The following CEP120 variants were observed in gnomAD, a reference collection of about 807,000 sequenced individuals.
CEP120 encodes the protein centrosomal protein 120, also known as centrosomal protein of 120 kDa.
Under a neutral mutation model 126.5 loss-of-function variants are expected in CEP120, and 113 were observed. That is an observed-to-expected ratio of 0.89 (90% confidence interval 0.77 to 1.04). The LOEUF (loss-of-function observed/expected upper bound fraction) is 1.04, where lower values mean the gene tolerates loss of function less well. Among genes scored for constraint, CEP120 ranks in the 50% least tolerant of loss-of-function variants. The pLI, the probability that CEP120 is intolerant of heterozygous loss-of-function variation, is 0.00. For missense variants in CEP120, 1,230 were observed against 1,155.7 expected (o/e 1.06, Z -0.93); for synonymous variants, 400 against 394.3 (o/e 1.01, Z -0.17).
At chr5:123,358,816 C>T (rs1025061198) in intron 18 of CEP120, among the ~76,000 whole-genome samples, 4 of 151,874 alleles carry the variant, frequency 2.6e-5, no homozygotes, top group African/African-American at 9.7e-5. Context: ...CCTATAAATC[C>T]AGAAAGGAGA....
At chr5:123,367,834 C>T (rs1770572947) in intron 17 of CEP120, among the ~76,000 whole-genome samples, 1 of 151,810 alleles carries the variant, frequency 6.6e-6, no homozygotes, top group South Asian at 2.1e-4. Context: ...AGAAACAAAA[C>T]TCTCAATCAG....
chr5:123,379,241 C>T (rs1475288837), intron 14 of CEP120, among the ~76,000 whole-genome samples: 3 of 151,998 alleles, frequency 2.0e-5, no homozygotes, highest in Non-Finnish European at 4.4e-5. Context: ...TCCTTAAAAT[C>T]ATCTCTTTAC....
chr5:123,393,189 G>T lies in CEP120; in HGVS notation c.810+111C>A. On this transcript the variant is annotated intron_variant, in intron 6 of 19. Coordinates refer to ENST00000306467, the MANE Select transcript of CEP120 (RefSeq NM_001375405.1). The stretch of plus-strand genomic sequence containing the variant: ...AGAAGATGTGGCAGAAAGATAACCT[G>T]TACTACTGAAATAGGATTAAGTTTA... 5.3e-6 allele frequency: 5 copies of T among 941,624 alleles called. No individual in the cohort carries two copies. The South Asian group carries it at 7.8e-5, about 15-fold the overall frequency. The allele number at this position is 941,624 out of a possible 1,614,324, so 58.3% of individuals were successfully genotyped here.
At chr5:123,397,610 G>A (rs1772872490) in intron 5 of CEP120, among the ~76,000 whole-genome samples, 1 of 152,178 alleles carries the variant, frequency 6.6e-6, no homozygotes, top group Non-Finnish European at 1.5e-5. Context: ...GAGAGAAAGA[G>A]TAAATGCTCA....
rs1768818279 is a variant in CEP120 at position 123,346,411 on chromosome 5, A to C, written c.*108T>G. On this transcript the variant is annotated 3_prime_UTR_variant, in exon 20 of 20. Transcript: ENST00000306467. ...AATAACATACAAAATTTTGCTTATA[A>C]AAAATTGAAAATACCATTTTAAAAC... 1.3e-5 allele frequency: 11 copies of C among 838,752 alleles called. No homozygotes were observed. Among genetic ancestry groups the C allele is most frequent in the Non-Finnish European group, 2.0e-5 (11 of 555,190 alleles). The allele number at this position is 838,752 out of a possible 1,614,324, so 52.0% of individuals were successfully genotyped here.
chr5:123,407,497 T>C (rs1015268607), intron 4 of CEP120, among the ~76,000 whole-genome samples: 5 of 152,164 alleles, frequency 3.3e-5, no homozygotes, highest in African/African-American at 1.2e-4. Context: ...AGGAGGAATA[T>C]TACATGATGA....
At chr5:123,378,225 C>T in intron 15 of CEP120, 111 bp downstream of exon 15, 3 of 703,132 alleles carry the variant, frequency 4.3e-6, no homozygotes, top group Non-Finnish European at 7.0e-6. Context: ...GCAGCCCATC[C>T]TGAGTCCCTT....
Position 123,384,942 on chromosome 5 carries a change from A to G in CEP120, c.1763+9T>C. The G allele has an allele frequency of 6.3e-7, 1 of 1,575,728 alleles. No homozygotes were observed. The highest frequency in any genetic ancestry group is 8.6e-7 in the Non-Finnish European group (1 of 1,163,566). On this transcript the variant is annotated intron_variant, in intron 11 of 19. Transcript: ENST00000306467. ...GAAAAGCAAATACCAATTCTGTGAA[A>G]TGCATTACCCTTGTGCTGCTATAAC... is the stretch of plus-strand genomic sequence containing the variant.
rs2126957635 is a variant in CEP120, at chr5:123,346,641, G to A, written c.2839C>T (p.Arg947Cys). 11 of 1,613,892 alleles carry A rather than the reference G, an allele frequency of 6.8e-6. No homozygotes were observed. The highest frequency in any genetic ancestry group is 2.2e-5 in the East Asian group (1 of 44,862). ...AAAGTATCCCTTTCTTCTATCAGGC[G>A]AGTCAAATAATCATCCAAACCTTCT... ...LEEGLDDYLT[R>C]LIEERDTLMR... Residue 947 changes from arginine (R) to cysteine (C), a missense_variant, in exon 20 of 20, where the codon CGC becomes TGC. Coordinates refer to ENST00000306467, the MANE Select transcript of CEP120 (RefSeq NM_001375405.1).
chr5:123,410,130 C>T (rs535484204), intron 4 of CEP120, among the ~76,000 whole-genome samples: 7 of 151,936 alleles, frequency 4.6e-5, no homozygotes, highest in African/African-American at 9.7e-5. Context: ...ATAAAGAATT[C>T]GTATATAAAT....
chr5:123,387,439 T>C (rs1772104123), intron 9 of CEP120, among the ~76,000 whole-genome samples: 1 of 151,838 alleles, frequency 6.6e-6, no homozygotes, highest in Non-Finnish European at 1.5e-5. Flanking sequence ...AAAAGAAAAA[T>C]AAATAAAGGA....
chr5:123,383,048 CTG>C lies in CEP120; in HGVS notation c.1796_1797del (p.Thr599SerfsTer13). 6.4e-7 allele frequency: 1 copy of C among 1,563,574 alleles called. No homozygotes were observed. Among genetic ancestry groups the C allele is most frequent in the Non-Finnish European group, 8.8e-7 (1 of 1,136,976 alleles). ...ACTAGTCCATAATCTTCTAGAGTCA[CTG>C]TGTAAGAAAGATCTGCTATCCTGTT... ...SNNRIADLSY[T>X]VTLEDYGLVK... is the part of the protein sequence containing the mutation. On this transcript the variant is annotated frameshift_variant, in exon 12 of 20. Coordinates refer to ENST00000306467, the MANE Select transcript of CEP120 (RefSeq NM_001375405.1). LOFTEE classifies it high-confidence loss of function.
intron 15 of CEP120, 85 bp downstream of exon 15, chr5:123,378,249 CTT>C (rs1170511406): frequency 3.0e-6 from 3 of 984,570 alleles, no homozygotes; most frequent in African/African-American, 3.4e-5. Flanking sequence ...TCTCGGGACT[CTT>C]TTGCATCTAA....
In CEP120 at chr5:123,349,967, C is replaced by G. The variant is rs767642497; in HGVS notation, c.2703G>C (p.Leu901Phe). 66 of 1,613,328 alleles carry G rather than the reference C, an allele frequency of 4.1e-5. No individual in the cohort carries two copies. The South Asian group carries it at 7.1e-4, about 17-fold the overall frequency. The stretch of plus-strand genomic sequence containing the variant: ...ACCTGTTCAATTCATTTCTTATATC[C>G]AACAATTCTTGTCGCTCGGTTTTTA... ...DTVKTERQEL[L>F]DIRNELNRLR... Residue 901 changes from leucine to phenylalanine, a missense_variant, in exon 19 of 20, where the codon TTG becomes TTC. By Grantham distance (22) the Leu-to-Phe change is conservative. Transcript: ENST00000306467.
At chr5:123,387,597 C>T (rs527613663) in intron 9 of CEP120, among the ~76,000 whole-genome samples, 2 of 152,092 alleles carry the variant, frequency 1.3e-5, no homozygotes, top group East Asian at 1.9e-4. Flanking sequence ...TTTAAAGTGC[C>T]TTAAAATGAT....
At chr5:123,409,313 C>G (rs567165256) in intron 4 of CEP120, among the ~76,000 whole-genome samples, 1 of 152,246 alleles carries the variant, frequency 6.6e-6, no homozygotes, top group East Asian at 1.9e-4. Flanking sequence ...AAACCTACAG[C>G]TAACATTATA....
At chr5:123,422,912 G>A (rs765041267) in intron 1 of CEP120, 38 bp downstream of exon 1, 52 of 1,592,966 alleles carry the variant, frequency 3.3e-5, no homozygotes, top group Non-Finnish European at 4.4e-5. Flanking sequence ...TAAAACTCGG[G>A]AGGCAGCAGT....
At chr5:123,346,795 G>A in intron 19 of CEP120, 42 bp from the exon 20 acceptor site, 2 of 1,383,260 alleles carry the variant, frequency 1.4e-6, no homozygotes, top group Non-Finnish European at 1.9e-6. Flanking sequence ...AACTGTGTTG[G>A]TTTTCTTAAT....
At chr5:123,387,981 C>A (rs1055277894) in intron 9 of CEP120, among the ~76,000 whole-genome samples, 1 of 135,354 alleles carries the variant, frequency 7.4e-6, no homozygotes, top group Non-Finnish European at 1.6e-5. Context: ...CATTATAATA[C>A]AGTTTTATAG....
Sources: allele counts gnomAD v4.1 joint callset (sites outside exome capture counted in the v4.1 genomes callset), GRCh38; gene constraint gnomAD v4.1.1; transcripts MANE v1.5; gene names NCBI Gene and HGNC (gene_info 2026-07-23, HGNC 2026-07-21).